The following ST7 variants were observed in gnomAD, a reference collection of about 807,000 sequenced individuals.
ST7 encodes the protein suppression of tumorigenicity 7.
ST7 carries 28 observed loss-of-function variants against 78.7 expected under a neutral mutation model. The ratio of observed to expected loss-of-function variants is 0.36; its 90% CI spans 0.26 to 0.49. The LOEUF (loss-of-function observed/expected upper bound fraction) is 0.49, where lower values mean the gene tolerates loss of function less well. ST7 is among the 20% of genes least tolerant of loss of function. The pLI, the probability that ST7 is intolerant of heterozygous loss-of-function variation, is 0.99. For synonymous variants in ST7, 247 were observed against 249.6 expected (o/e 0.99, Z 0.10); for missense variants, 418 against 696.0 (o/e 0.60, Z 4.49).
rs995241965 is a variant in ST7 at position 117,090,185 on chromosome 7, T to C, written c.152-9577T>C. On this transcript the variant is annotated intron_variant, in intron 1 of 15. Coordinates refer to ENST00000323984, the MANE Select transcript of ST7 (RefSeq NM_001369598.1). ...TTGATTTATTAATGTGTAGTAGTCA[T>C]TGAGTCTTCCTAATATGGACTTCAG... Among the ~76,000 whole-genome samples the C allele has an allele frequency of 8.5e-5, 13 of 152,148 alleles. No homozygotes were observed. The South Asian group carries it at 1.9e-3, about 22-fold the overall frequency.
chr7:117,210,833 T>C (rs1182627133), intron 13 of ST7, among the ~76,000 whole-genome samples: 2 of 152,230 alleles, frequency 1.3e-5, no homozygotes, highest in Admixed American at 1.3e-4. Flanking sequence ...TCTGCTAGCA[T>C]TAATTTTAGC....
At chr7:116,975,901 T>C (rs980614400) in intron 1 of ST7, among the ~76,000 whole-genome samples, 1 of 152,178 alleles carries the variant, frequency 6.6e-6, no homozygotes, top group Non-Finnish European at 1.5e-5. Flanking sequence ...TCAACTTTAC[T>C]GGGTATTGCC....
chr7:117,097,898 ATATATATATATTTTTT>A (rs1341759751), intron 1 of ST7, among the ~76,000 whole-genome samples: 1 of 25,936 alleles, frequency 3.9e-5, no homozygotes, highest in Non-Finnish European at 6.9e-5. Flanking sequence ...ATATATATAT[ATATATATATATTTTTT>A]TTTTTTTTTT....
chr7:117,059,768 C>T (rs891460387), intron 1 of ST7, among the ~76,000 whole-genome samples: 6 of 111,822 alleles, frequency 5.4e-5, no homozygotes, highest in Non-Finnish European at 8.4e-5. Context: ...CCCAGGAATT[C>T]AAGACCAGCC....
At chr7:117,191,394 T>C (rs1809763080) in intron 12 of ST7, among the ~76,000 whole-genome samples, 1 of 152,202 alleles carries the variant, frequency 6.6e-6, no homozygotes, top group African/African-American at 2.4e-5. Flanking sequence ...AGAGAAAACT[T>C]CAAAATATGA....
At chr7:117,017,993 T>G (rs1454601364) in intron 1 of ST7, among the ~76,000 whole-genome samples, 3 of 152,168 alleles carry the variant, frequency 2.0e-5, no homozygotes, top group Non-Finnish European at 4.4e-5. Context: ...ATCACAGCCT[T>G]TAACTCTTAG....
chr7:117,040,087 C>T (rs899645787), intron 1 of ST7, among the ~76,000 whole-genome samples: 1 of 152,028 alleles, frequency 6.6e-6, no homozygotes, highest in African/African-American at 2.4e-5. Flanking sequence ...AAAGACAGAG[C>T]TAGAGGCTGG....
intron 1 of ST7, among the ~76,000 whole-genome samples, chr7:117,007,158 A>G (rs1043972138): frequency 1.3e-5 from 2 of 152,242 alleles, no homozygotes; most frequent in African/African-American, 4.8e-5. Context: ...AAAAGCTGAC[A>G]TAGGCCAGAA....
intron 1 of ST7, among the ~76,000 whole-genome samples, chr7:117,067,796 G>C (rs1038503060): frequency 6.6e-6 from 1 of 152,198 alleles, no homozygotes; most frequent in Admixed American, 6.5e-5. Flanking sequence ...ACCCAAAACA[G>C]ACAATTCAGC....
intron 9 of ST7, among the ~76,000 whole-genome samples, chr7:117,166,748 G>A (rs1807585310): frequency 6.6e-6 from 1 of 152,110 alleles, no homozygotes; most frequent in African/African-American, 2.4e-5. Context: ...AATTAGCCGG[G>A]CATGGTGGTG....
intron 1 of ST7, among the ~76,000 whole-genome samples, chr7:117,010,180 G>C (rs1207643080): frequency 1.3e-5 from 2 of 152,184 alleles, no homozygotes; most frequent in African/African-American, 4.8e-5. Context: ...TAGTGCCATG[G>C]AGAATGTGGA....
intron 1 of ST7, among the ~76,000 whole-genome samples, chr7:117,057,795 GAAC>G (rs1798138809): frequency 6.6e-6 from 1 of 152,158 alleles, no homozygotes; most frequent in Admixed American, 6.5e-5. Context: ...TGTAGTATAT[GAAC>G]ATGGGCCTGT....
chr7:117,000,928 A>C (rs1347600001), intron 1 of ST7, among the ~76,000 whole-genome samples: 1 of 152,138 alleles, frequency 6.6e-6, no homozygotes, highest in Non-Finnish European at 1.5e-5. Flanking sequence ...TCTCTGAAAA[A>C]CCCAGACATC....
intron 3 of ST7, among the ~76,000 whole-genome samples, chr7:117,126,033 G>A (rs1055630693): frequency 6.6e-6 from 1 of 151,906 alleles, no homozygotes; most frequent in Non-Finnish European, 1.5e-5. Flanking sequence ...TGTATGTAAG[G>A]AATGTAGATA....
At chr7:117,081,030 C>T (rs906233813) in intron 1 of ST7, 1 of 152,068 alleles carries the variant, frequency 6.6e-6, no homozygotes, top group Non-Finnish European at 1.5e-5. Flanking sequence ...GATGACTTCC[C>T]AGGATGCTTT....
chr7:117,089,566 G>GT (rs1222476861), intron 1 of ST7, among the ~76,000 whole-genome samples: 2 of 148,386 alleles, frequency 1.3e-5, no homozygotes, highest in African/African-American at 2.5e-5. Context: ...TTTGTTTTTT[G>GT]TTTTTTTGTT....
chr7:117,069,136 A>G (rs577154129), intron 1 of ST7, among the ~76,000 whole-genome samples: 1 of 152,338 alleles, frequency 6.6e-6, no homozygotes, highest in Non-Finnish European at 1.5e-5. Context: ...TTATCACTAT[A>G]TATTTTGTAT....
At chr7:117,092,699 T>C (rs1178068317) in intron 1 of ST7, among the ~76,000 whole-genome samples, 1 of 152,190 alleles carries the variant, frequency 6.6e-6, no homozygotes, top group Admixed American at 6.5e-5. Context: ...CTACCTTACT[T>C]TGGAGGTCTG....
chr7:117,031,842 ATATCTATATCTATATC>A (rs201374808), intron 1 of ST7, among the ~76,000 whole-genome samples: 1,052 of 102,108 alleles, frequency 0.01, 173 homozygotes, highest in East Asian at 0.034. Flanking sequence ...ATCTATATCT[ATATCTATATCTATATC>A]TATCTATCTA....
Sources: allele counts gnomAD v4.1 joint callset (sites outside exome capture counted in the v4.1 genomes callset), GRCh38; gene constraint gnomAD v4.1.1; transcripts MANE v1.5; gene names NCBI Gene and HGNC (gene_info 2026-07-23, HGNC 2026-07-21).